HERC6: variants seen among roughly 807,000 people sequenced by gnomAD.
HERC6 encodes the protein HECT and RLD domain containing E3 ubiquitin protein ligase family member 6.
In HERC6, 101 loss-of-function variants were observed where a neutral mutation model predicts 114.5. The observed-to-expected ratio is 0.88, with a 90% CI of 0.75 to 1.04. The LOEUF (loss-of-function observed/expected upper bound fraction) is 1.04, where lower values mean the gene tolerates loss of function less well. Among genes scored for constraint, HERC6 ranks in the 50% least tolerant of loss-of-function variants. HERC6 has a pLI of 0.00. For missense variants in HERC6, 1,133 were observed against 1,230.9 expected, an observed-to-expected ratio of 0.92 and a Z score of 1.19; for synonymous variants, 408 against 436.2, an observed-to-expected ratio of 0.94 and a Z score of 0.81.
chr4:88,436,352 T>A (rs1738732451), intron 18 of HERC6, among the ~76,000 whole-genome samples: 1 of 152,234 alleles, frequency 6.6e-6, no homozygotes, highest in African/African-American at 2.4e-5. Context: ...AAGTTTTTCT[T>A]ACAGTGTTGG....
At chr4:88,380,173 A>G (rs1240197297) in intron 1 of HERC6, among the ~76,000 whole-genome samples, 2 of 21,016 alleles carry the variant, frequency 9.5e-5, no homozygotes, top group South Asian at 2.6e-3. Context: ...AAATATATAT[A>G]TAATATATAA....
chr4:88,436,964 G>A lies in HERC6; in HGVS notation c.2477G>A (p.Arg826His), dbSNP rs367814329. The A allele has an allele frequency of 3.8e-6, 6 of 1,597,508 alleles. No homozygotes were observed. Among genetic ancestry groups the A allele is most frequent in the African/African-American group, 2.7e-5 (2 of 74,422 alleles). ...GACATTGGAGATGCGCTCTGCATAC[G>A]CTTTTCTGTGAGTACTAATGAAAGC... ...ADDIGDALCI[R>H]FSIHWDQNDV... is the part of the protein sequence containing the mutation. Residue 826 changes from arginine (R) to histidine (H), a missense_variant, in exon 19 of 23, where the codon CGC (arginine) becomes CAC (histidine). By Grantham distance (29) the Arg-to-His change is conservative. Coordinates refer to ENST00000264346, the MANE Select transcript of HERC6 (RefSeq NM_017912.4).
intron 5 of HERC6, among the ~76,000 whole-genome samples, chr4:88,394,533 T>TTAG (rs1020872899): frequency 6.8e-6 from 1 of 148,036 alleles, no homozygotes; most frequent in Admixed American, 6.7e-5. Context: ...TTAGCAATTA[T>TTAG]TATTATTATT....
Position 88,416,247 on chromosome 4 carries a change from G to A in HERC6, c.1559-1178G>A, listed in dbSNP as rs77575714. 5.0e-3 allele frequency among the ~76,000 whole-genome samples: 767 copies of A among 152,298 alleles called. 21 individuals carry two copies. Among genetic ancestry groups the A allele is most frequent in the East Asian group, 0.039 (201 of 5,184 alleles). ...CAGCACACCCTAGTCAATTGACCTC[G>A]TCAATGACCATAATTCTGCATAAAG... On this transcript the variant is annotated intron_variant, in intron 12 of 22. Coordinates refer to ENST00000264346, the MANE Select transcript of HERC6 (RefSeq NM_017912.4).
chr4:88,420,757 C>T (rs2148936171), intron 13 of HERC6, among the ~76,000 whole-genome samples: 1 of 152,108 alleles, frequency 6.6e-6, no homozygotes, highest in Admixed American at 6.5e-5. Flanking sequence ...CATAGTGAGA[C>T]CTTGTCTCTA....
intron 1 of HERC6, among the ~76,000 whole-genome samples, chr4:88,379,641 T>A (rs1053013544): frequency 6.4e-4 from 77 of 119,520 alleles, no homozygotes; most frequent in East Asian, 5.4e-3. Flanking sequence ...TATATAAAAA[T>A]ATATATATAA....
At position 88,442,646 on chromosome 4, in the gene HERC6, T is replaced by C. The variant is rs1739453566; in HGVS notation, c.*186T>C. The C allele has an allele frequency of 3.3e-6, 2 of 614,280 alleles. No homozygotes were observed. Among genetic ancestry groups the C allele is most frequent in the South Asian group, 2.0e-5 (1 of 51,090 alleles). The allele number at this position is 614,280 out of a possible 1,614,324, so 38.1% of individuals were successfully genotyped here. ...CTCACACAAGACTGAGGCAGGAGAA[T>C]AGGGTACAGAGATAGGGATCTAAGG... On this transcript the variant is annotated 3_prime_UTR_variant, in exon 23 of 23. Coordinates refer to ENST00000264346, the MANE Select transcript of HERC6 (RefSeq NM_017912.4).
intron 12 of HERC6, 92 bp downstream of exon 12, chr4:88,413,358 T>C: frequency 2.4e-6 from 2 of 829,354 alleles, no homozygotes; most frequent in Non-Finnish European, 3.8e-6. Context: ...GATTTCAAAA[T>C]AGACAAGTAT....
rs17014118 is a variant in HERC6 at position 88,398,144 on chromosome 4, T to G, written c.1027T>G (p.Phe343Val). 2.2e-5 allele frequency: 35 copies of G among 1,582,666 alleles called. No homozygotes were observed. The highest frequency in any genetic ancestry group is 2.9e-5 in the Non-Finnish European group (34 of 1,163,750). The part of the protein sequence containing the change: ...DISCLISAED[F>V]VDVQVKHIFA... ...ATGGATTTATGACTTTCTTTTAGAC[T>G]TCGTGGATGTTCAAGTCAAACACAT... Residue 343 changes from phenylalanine (F) to valine (V), a missense_variant and splice_region_variant, in exon 8 of 23, where the codon TTC becomes GTC. Phe to Val is a conservative substitution (Grantham distance 50, BLOSUM62 -1). Around this residue, in one of 3 missense-constraint regions of HERC6, gnomAD observed 735 missense variants for 754.0 expected, o/e 0.97. Transcript: ENST00000264346.
At chr4:88,384,840 T>C (rs944574722) in intron 2 of HERC6, among the ~76,000 whole-genome samples, 2 of 151,986 alleles carry the variant, frequency 1.3e-5, no homozygotes, top group African/African-American at 4.8e-5. Flanking sequence ...GCCAACATGG[T>C]GAAACCTCGT....
Position 88,396,846 on chromosome 4 carries a change from T to C in HERC6, c.888-5T>C, listed in dbSNP as rs1185885165. On this transcript the variant is annotated splice_region_variant and splice_polypyrimidine_tract_variant and intron_variant, in intron 6 of 22. Coordinates refer to ENST00000264346, the MANE Select transcript of HERC6 (RefSeq NM_017912.4). Reference sequence around the variant, plus strand: ...CTTCATTATGGTGTATTCTCTTTCCTGTAGTTATCACACCCTGGCATATGT... The same window carrying C: ...CTTCATTATGGTGTATTCTCTTTCCCGTAGTTATCACACCCTGGCATATGT... 1 of 1,565,460 alleles carries C rather than the reference T, an allele frequency of 6.4e-7. No individual in the cohort carries two copies. The highest frequency in any genetic ancestry group is 1.2e-5 in the South Asian group (1 of 84,492).
At chr4:88,389,285 G>A (rs1020877646) in intron 3 of HERC6, among the ~76,000 whole-genome samples, 6 of 152,090 alleles carry the variant, frequency 3.9e-5, no homozygotes, top group Admixed American at 2.0e-4. Flanking sequence ...GATGGGAGTT[G>A]GTCCGTCATT....
At chr4:88,437,480 T>G (rs1738880397) in intron 19 of HERC6, among the ~76,000 whole-genome samples, 1 of 152,210 alleles carries the variant, frequency 6.6e-6, no homozygotes, top group South Asian at 2.1e-4. Flanking sequence ...CTAGTGTAAA[T>G]AATTTAACAA....
Position 88,437,364 on chromosome 4 carries a change from T to G in HERC6, c.2485-347T>G, listed in dbSNP as rs141862195. 2.0e-3 allele frequency among the ~76,000 whole-genome samples: 312 copies of G among 152,242 alleles called. 3 individuals carry two copies. Among genetic ancestry groups the G allele is most frequent in the Admixed American group, 6.7e-3 (102 of 15,286 alleles). Reference sequence around the variant, plus strand: ...AAGCCATTGTGCCTGGCCCCTGGGATCCCTTTTTTAAAAGACATTTTATTT... The same window carrying G: ...AAGCCATTGTGCCTGGCCCCTGGGAGCCCTTTTTTAAAAGACATTTTATTT... On this transcript the variant is annotated intron_variant, in intron 19 of 22. Coordinates refer to ENST00000264346, the MANE Select transcript of HERC6 (RefSeq NM_017912.4).
rs188574900 is a variant in HERC6 at position 88,412,825 on chromosome 4, T to C, written c.1369-252T>C. Among the ~76,000 whole-genome samples, 48 of 152,350 alleles carry C rather than the reference T, an allele frequency of 3.2e-4. No individual in the cohort carries two copies. The East Asian group carries it at 9.1e-3, about 29-fold the overall frequency. On this transcript the variant is annotated intron_variant, in intron 11 of 22. Coordinates refer to ENST00000264346, the MANE Select transcript of HERC6 (RefSeq NM_017912.4). Reference sequence around the variant, plus strand: ...ATCCATAATTCACTCAGTATATCCATGCTCATGGGATTTCACTTTATTTTC... The same window carrying C: ...ATCCATAATTCACTCAGTATATCCACGCTCATGGGATTTCACTTTATTTTC...
intron 11 of HERC6, among the ~76,000 whole-genome samples, chr4:88,412,515 C>T (rs1054158823): frequency 2.0e-5 from 3 of 152,138 alleles, no homozygotes; most frequent in Non-Finnish European, 2.9e-5. Context: ...AGGATTGCCT[C>T]AACCAAGGAG....
At chr4:88,399,179 G>A (rs573526615) in intron 8 of HERC6, 36 of 152,224 alleles carry the variant, frequency 2.4e-4, no homozygotes, top group African/African-American at 7.7e-4. Context: ...CATTCCTGAC[G>A]ACAGGAAAAA....
rs539461506 is a variant in HERC6 at position 88,388,411 on chromosome 4, C to T, written c.437-2241C>T. ...ACTAAAAATACAAAAATTAACCGGG[C>T]ATGGTGGCAGGTACCTGCAATCCTA... is the stretch of plus-strand genomic sequence containing the variant. On this transcript the variant is annotated intron_variant, in intron 3 of 22. Transcript: ENST00000264346. Among the ~76,000 whole-genome samples, 15 of 152,118 alleles carry T rather than the reference C, an allele frequency of 9.9e-5. No individual in the cohort carries two copies. The South Asian group carries it at 2.5e-3, about 25-fold the overall frequency.
Position 88,379,639 on chromosome 4 carries a change from A to T in HERC6, c.199+519A>T, listed in dbSNP as rs936257673. Among the ~76,000 whole-genome samples, 4 of 124,454 alleles carry T rather than the reference A, an allele frequency of 3.2e-5. No homozygotes were observed. The South Asian group carries it at 6.7e-4, about 21-fold the overall frequency. The allele number at this position is 124,454 out of a possible 152,430, so 81.6% of individuals were successfully genotyped here. On this transcript the variant is annotated intron_variant, in intron 1 of 22. Transcript: ENST00000264346. ...GCATTAAAAAATATATATATATAAA[A>T]ATATATATATAAAATATATAAATAT...
Sources: allele counts gnomAD v4.1 joint callset (sites outside exome capture counted in the v4.1 genomes callset), GRCh38; gene constraint gnomAD v4.1.1; regional missense constraint gnomAD v4.1.1; transcripts MANE v1.5; gene names NCBI Gene and HGNC (gene_info 2026-07-23, HGNC 2026-07-21).